MUSK: variants seen among roughly 807,000 people sequenced by gnomAD.
MUSK encodes the protein muscle, skeletal receptor tyrosine-protein kinase.
A neutral mutation model predicts 88.7 loss-of-function variants in MUSK; 55 were observed. That is an observed-to-expected ratio of 0.62 (90% CI 0.50 to 0.78). MUSK has a LOEUF of 0.78. Ranked by LOEUF, MUSK falls within the 30% of genes least tolerant of loss-of-function variation. The pLI is 0.00. For missense variants in MUSK, 1,015 were observed against 1,074.3 expected (o/e 0.94, Z 0.77); for synonymous variants, 387 against 391.9 (o/e 0.99, Z 0.15).
At chr9:110,680,375 CTTTT>C (rs1230665359) in intron 1 of MUSK, among the ~76,000 whole-genome samples, 1 of 79,690 alleles carries the variant, frequency 1.3e-5, no homozygotes, top group Non-Finnish European at 2.5e-5. Context: ...GAATTTCTTT[CTTTT>C]TTTCTTTTTT....
At position 110,803,354 on chromosome 9, in the gene MUSK, G is replaced by T. The variant is rs2132075847; in HGVS notation, c.*2366G>T. On this transcript the variant is annotated 3_prime_UTR_variant, in exon 15 of 15. Coordinates refer to ENST00000374448, the MANE Select transcript of MUSK (RefSeq NM_005592.4). ...GACGGAGTCTCGCTCTGTCGCCCAG[G>T]CTGGAGTGCAGTGGCACGATCTTGG... is the stretch of plus-strand genomic sequence containing the variant. Among the ~76,000 whole-genome samples, 1 of 152,274 alleles carries T rather than the reference G, an allele frequency of 6.6e-6. No homozygotes were observed. Among genetic ancestry groups the T allele is most frequent in the East Asian group, 1.9e-4 (1 of 5,170 alleles).
chr9:110,684,490 A>AT (rs144949925), intron 2 of MUSK, among the ~76,000 whole-genome samples: 15,080 of 148,262 alleles, frequency 0.1, 1,814 homozygotes, highest in African/African-American at 0.29. Context: ...AAATTTTAGG[A>AT]TTTTTTTTTT....
At chr9:110,689,323 AAT>A (rs1301572015) in intron 3 of MUSK, among the ~76,000 whole-genome samples, 4 of 117,298 alleles carry the variant, frequency 3.4e-5, no homozygotes, top group African/African-American at 7.0e-5. Context: ...ATATATATTA[AAT>A]ATATATTTAA....
At position 110,668,901 on chromosome 9, in the gene MUSK, AATC is replaced by A; in HGVS notation, c.-1_2del. 4.3e-6 allele frequency: 7 copies of A among 1,612,930 alleles called. No homozygotes were observed. Among genetic ancestry groups the A allele is most frequent in the Non-Finnish European group, 5.9e-6 (7 of 1,178,978 alleles). On this transcript the variant is annotated 5_prime_UTR_variant, in exon 1 of 15. Coordinates refer to ENST00000374448, the MANE Select transcript of MUSK (RefSeq NM_005592.4). Reference sequence around the variant, plus strand: ...ACTTCGTCCTGCGTGAGCCTGGATTAATCATGAGAGAGCTCGTCAACATTCCAC... The same window carrying A: ...ACTTCGTCCTGCGTGAGCCTGGATTAATGAGAGAGCTCGTCAACATTCCAC...
At chr9:110,797,134 A>AT (rs1340364606) in intron 14 of MUSK, among the ~76,000 whole-genome samples, 1 of 66,334 alleles carries the variant, frequency 1.5e-5, no homozygotes, top group African/African-American at 6.4e-5. Flanking sequence ...TAAAAAAATA[A>AT]AAAATAAAAA....
At chr9:110,709,896 G>C (rs888784238) in intron 5 of MUSK, among the ~76,000 whole-genome samples, 6 of 152,144 alleles carry the variant, frequency 3.9e-5, no homozygotes, top group African/African-American at 1.2e-4. Context: ...TGTAATCCCA[G>C]CCCTTTGGGA....
intron 1 of MUSK, among the ~76,000 whole-genome samples, chr9:110,672,977 T>C (rs2075979385): frequency 6.6e-6 from 1 of 152,178 alleles, no homozygotes; most frequent in Non-Finnish European, 1.5e-5. Context: ...AGTCCTTGGA[T>C]TGAGAGAAGA....
chr9:110,682,863 G>A, intron 2 of MUSK, 63 bp downstream of exon 2: 3 of 1,157,164 alleles, frequency 2.6e-6, no homozygotes, highest in Non-Finnish European at 3.6e-6. Context: ...GTATATATAT[G>A]TATATATTTA....
intron 5 of MUSK, among the ~76,000 whole-genome samples, chr9:110,725,069 C>T (rs183380541): frequency 3.8e-3 from 572 of 151,950 alleles, no homozygotes; most frequent in Middle Eastern, 6.8e-3. Context: ...GCAGAAATAA[C>T]GCATTAGAAA....
At chr9:110,774,135 G>A (rs1588022985) in intron 9 of MUSK, among the ~76,000 whole-genome samples, 1 of 152,104 alleles carries the variant, frequency 6.6e-6, no homozygotes, top group Non-Finnish European at 1.5e-5. Flanking sequence ...CACCTTATCA[G>A]TTATTTCACA....
At chr9:110,789,635 C>T (rs1588044608) in intron 14 of MUSK, among the ~76,000 whole-genome samples, 2 of 152,026 alleles carry the variant, frequency 1.3e-5, no homozygotes, top group Admixed American at 6.5e-5. Context: ...AAAAATTAGC[C>T]GGGTGTGGTG....
intron 2 of MUSK, among the ~76,000 whole-genome samples, chr9:110,684,873 G>A (rs954752915): frequency 6.6e-6 from 1 of 152,032 alleles, no homozygotes; most frequent in Non-Finnish European, 1.5e-5. Context: ...TTTCTGTGGA[G>A]TATTTAAGTT....
At chr9:110,741,313 T>G (rs1006857497) in intron 6 of MUSK, among the ~76,000 whole-genome samples, 4 of 143,996 alleles carry the variant, frequency 2.8e-5, no homozygotes, top group Non-Finnish European at 5.9e-5. Flanking sequence ...AAGTCTAAAT[T>G]TTTTTAAAGG....
At chr9:110,728,609 A>G in intron 5 of MUSK, 2 of 919,652 alleles carry the variant, frequency 2.2e-6, no homozygotes, top group Non-Finnish European at 3.4e-6. Context: ...TCTGTGGTCA[A>G]AGATTTCCCT....
At chr9:110,769,208 T>C (rs770195125) in intron 9 of MUSK, among the ~76,000 whole-genome samples, 9 of 152,200 alleles carry the variant, frequency 5.9e-5, no homozygotes, top group Non-Finnish European at 1.0e-4. Context: ...TCCACTTCTA[T>C]TTTGATAAAA....
chr9:110,778,061 C>T (rs956890821), intron 11 of MUSK, among the ~76,000 whole-genome samples: 1 of 151,996 alleles, frequency 6.6e-6, no homozygotes, highest in Non-Finnish European at 1.5e-5. Context: ...GTGTAAAGAC[C>T]TTAAGTATTT....
intron 8 of MUSK, among the ~76,000 whole-genome samples, chr9:110,763,651 G>T (rs2077433364): frequency 1.3e-5 from 2 of 152,220 alleles, no homozygotes; most frequent in Non-Finnish European, 2.9e-5. Flanking sequence ...CTAAAAAAGG[G>T]AAGATTTGTC....
At chr9:110,689,161 T>A (rs1321777729) in intron 3 of MUSK, among the ~76,000 whole-genome samples, 1 of 114,372 alleles carries the variant, frequency 8.7e-6, no homozygotes, top group Non-Finnish European at 1.6e-5. Context: ...ATATAAAATA[T>A]AAATAAACTA....
intron 13 of MUSK, among the ~76,000 whole-genome samples, chr9:110,786,146 A>G (rs2077857717): frequency 6.6e-6 from 1 of 151,304 alleles, no homozygotes; most frequent in African/African-American, 2.4e-5. Context: ...CCCCGTCTCT[A>G]CTAAAAATAC....
Sources: gnomAD v4.1 joint callset for allele counts (sites outside exome capture counted in the v4.1 genomes callset) on GRCh38, gnomAD v4.1.1 for gene constraint, MANE v1.5 for transcripts, NCBI Gene and HGNC (gene_info 2026-07-23, HGNC 2026-07-21) for gene names.